The following CEP170 variants were observed in gnomAD, a reference collection of about 807,000 sequenced individuals.
The protein encoded by CEP170 is centrosomal protein of 170 kDa.
In CEP170, 21 loss-of-function variants were observed where a neutral mutation model predicts 151.9. The ratio of observed to expected loss-of-function variants is 0.14; its 90% CI spans 0.10 to 0.20. The LOEUF (loss-of-function observed/expected upper bound fraction) is 0.20. Among genes scored for constraint, CEP170 ranks in the 10% least tolerant of loss-of-function variants. CEP170 has a pLI of 1.00. For synonymous variants in CEP170, 356 were observed against 648.8 expected, an observed-to-expected ratio of 0.55 and a Z score of 6.86; for missense variants, 964 against 1,892.9, an observed-to-expected ratio of 0.51 and a Z score of 9.11.
At chr1:243,231,830 C>T (rs1048785728) in intron 1 of CEP170, among the ~76,000 whole-genome samples, 2 of 152,176 alleles carry the variant, frequency 1.3e-5, no homozygotes, top group African/African-American at 2.4e-5. Context: ...CATCTTTATG[C>T]TGGGTGCGGT....
intron 16 of CEP170, 187 bp from the exon 17 acceptor site, chr1:243,136,418 A>G: frequency 1.4e-6 from 1 of 732,716 alleles, no homozygotes. Context: ...CACTATTAAC[A>G]AAGGAGTTCT....
chr1:243,233,741 A>AAAATAT (rs1367723157), intron 1 of CEP170, among the ~76,000 whole-genome samples: 1 of 140,436 alleles, frequency 7.1e-6, no homozygotes, highest in African/African-American at 2.6e-5. Flanking sequence ...TCAAAAAAAA[A>AAAATAT]ATATATATAT....
chr1:243,147,500 A>C (rs1383413128), intron 14 of CEP170, among the ~76,000 whole-genome samples: 1 of 152,214 alleles, frequency 6.6e-6, no homozygotes, highest in Non-Finnish European at 1.5e-5. Context: ...AATTCACTTA[A>C]GGTTTCCTAG....
At chr1:243,218,021 T>C (rs2062459152) in intron 3 of CEP170, among the ~76,000 whole-genome samples, 1 of 152,218 alleles carries the variant, frequency 6.6e-6, no homozygotes, top group South Asian at 2.1e-4. Context: ...AATAAATACC[T>C]ATTTAATTTA....
intron 14 of CEP170, among the ~76,000 whole-genome samples, chr1:243,152,048 G>A (rs2057132690): frequency 6.6e-6 from 1 of 152,094 alleles, no homozygotes; most frequent in African/African-American, 2.4e-5. Context: ...AATATTTTAA[G>A]ACCACTGTAG....
intron 1 of CEP170, among the ~76,000 whole-genome samples, chr1:243,230,818 T>C (rs538522155): frequency 5.8e-4 from 88 of 152,228 alleles, no homozygotes; most frequent in South Asian, 1.4e-3. Context: ...GAAGGAAATA[T>C]GACAGAAAAG....
chr1:243,172,478 T>G (rs2058917770), intron 11 of CEP170, among the ~76,000 whole-genome samples: 1 of 152,060 alleles, frequency 6.6e-6, no homozygotes, highest in Non-Finnish European at 1.5e-5. Context: ...ACTAAAAATA[T>G]GAAATTAGCC....
At chr1:243,215,447 T>G (rs916261613) in intron 3 of CEP170, among the ~76,000 whole-genome samples, 3 of 152,174 alleles carry the variant, frequency 2.0e-5, no homozygotes, top group Non-Finnish European at 4.4e-5. Flanking sequence ...GAGAATGCGT[T>G]CCTAGTGGGA....
At chr1:243,135,196 T>A (rs1220269038) in intron 17 of CEP170, among the ~76,000 whole-genome samples, 1 of 152,118 alleles carries the variant, frequency 6.6e-6, no homozygotes, top group Non-Finnish European at 1.5e-5. Context: ...TGGTACACCT[T>A]CAAGAAATTA....
intron 4 of CEP170, 124 bp downstream of exon 4, chr1:243,211,762 T>G: frequency 9.2e-7 from 1 of 1,091,144 alleles, no homozygotes; most frequent in Non-Finnish European, 1.3e-6. Flanking sequence ...AGTATAGGAA[T>G]GCACCCAATA....
chr1:243,137,652 G>A (rs1012841664), intron 16 of CEP170, among the ~76,000 whole-genome samples: 1 of 151,966 alleles, frequency 6.6e-6, no homozygotes, highest in Non-Finnish European at 1.5e-5. Context: ...GTGCGTGCCT[G>A]TAGTCCCAGC....
chr1:243,241,508 G>A (rs1013565705), intron 1 of CEP170, among the ~76,000 whole-genome samples: 1 of 152,152 alleles, frequency 6.6e-6, no homozygotes, highest in Admixed American at 6.5e-5. Flanking sequence ...AGAAAATGTA[G>A]GCCGGGAGTG....
chr1:243,177,784 CTG>C (rs2059349693), intron 10 of CEP170, among the ~76,000 whole-genome samples: 1 of 152,190 alleles, frequency 6.6e-6, no homozygotes, highest in Admixed American at 6.5e-5. Flanking sequence ...ATATTTAACA[CTG>C]TGATTTTTAT....
At chr1:243,225,985 A>AGATATATACACG (rs2063191754) in intron 1 of CEP170, among the ~76,000 whole-genome samples, 1 of 149,028 alleles carries the variant, frequency 6.7e-6, no homozygotes, top group African/African-American at 2.5e-5. Context: ...CTATCTATCT[A>AGATATATACACG]TATATATACA....
In CEP170 at chr1:243,138,744, T is replaced by C. The variant is rs576480205; in HGVS notation, c.4230+1193A>G. ...CACTTTTCAGCTGATGTAAACAGTTTCCAAGTTTTTGATACTGTCAACAAT... is the reference window on the plus strand; with the variant it reads ...CACTTTTCAGCTGATGTAAACAGTTCCCAAGTTTTTGATACTGTCAACAAT... On this transcript the variant is annotated intron_variant, in intron 16 of 19. Coordinates refer to ENST00000366542, the MANE Select transcript of CEP170 (RefSeq NM_014812.3). 3.3e-5 allele frequency among the ~76,000 whole-genome samples: 5 copies of C among 152,130 alleles called. No homozygotes were observed. In the South Asian group the frequency reaches 1.0e-3, roughly 32 times the overall value.
intron 1 of CEP170, among the ~76,000 whole-genome samples, chr1:243,239,080 T>C (rs909283227): frequency 1.3e-5 from 2 of 152,252 alleles, no homozygotes; most frequent in Non-Finnish European, 2.9e-5. Context: ...ACACATATAA[T>C]TTCAAGTCAA....
chr1:243,246,148 A>C (rs1013397530), intron 1 of CEP170, among the ~76,000 whole-genome samples: 4 of 151,932 alleles, frequency 2.6e-5, no homozygotes, highest in Non-Finnish European at 5.9e-5. Flanking sequence ...TATTTTAAGC[A>C]TAATTTGTTG....
intron 7 of CEP170, among the ~76,000 whole-genome samples, chr1:243,195,122 G>A (rs1462499779): frequency 6.6e-6 from 1 of 151,724 alleles, no homozygotes; most frequent in Non-Finnish European, 1.5e-5. Flanking sequence ...AACCTAGTCT[G>A]TTCAAGCATG....
chr1:243,165,788 G>C lies in CEP170; in HGVS notation c.2172C>G (p.Ser724Arg). 1 of 1,614,036 alleles carries C rather than the reference G, an allele frequency of 6.2e-7. No individual in the cohort carries two copies. The highest frequency in any genetic ancestry group is 1.1e-5 in the South Asian group (1 of 91,082). Residue 724 changes from serine to arginine, a missense_variant, in exon 13 of 20, where the codon AGC becomes AGG. Transcript: ENST00000366542. Reference protein sequence around the residue: ...GDNKTLLHLGSSAPGKEKSET... With the variant: ...GDNKTLLHLGRSAPGKEKSET... The stretch of plus-strand genomic sequence containing the variant: ...CACTTTTCTCTTTTCCAGGAGCAGA[G>C]CTGCCTAAGTGAAGTAGGGTTTTAT...
Sources: gnomAD v4.1 joint callset for allele counts (sites outside exome capture counted in the v4.1 genomes callset) on GRCh38, gnomAD v4.1.1 for gene constraint, MANE v1.5 for transcripts, NCBI Gene and HGNC (gene_info 2026-07-23, HGNC 2026-07-21) for gene names.